GALNTL6: variants seen among roughly 807,000 people sequenced by gnomAD.
The protein encoded by GALNTL6 is polypeptide N-acetylgalactosaminyltransferase like 6, also known as polypeptide N-acetylgalactosaminyltransferase-like 6.
GALNTL6 carries 46 observed loss-of-function variants against 73.7 expected under a neutral mutation model. That is an observed-to-expected ratio of 0.62 (90% CI 0.49 to 0.80). The LOEUF is 0.80. Ranked by LOEUF, GALNTL6 falls within the 30% of genes least tolerant of loss-of-function variation. GALNTL6 has a pLI of 0.00. For missense variants in GALNTL6, 604 were observed against 755.0 expected, an observed-to-expected ratio of 0.80 and a Z score of 2.34; for synonymous variants, 259 against 263.7, an observed-to-expected ratio of 0.98 and a Z score of 0.17.
intron 9 of GALNTL6, among the ~76,000 whole-genome samples, chr4:172,934,917 G>A (rs1456022910): frequency 2.0e-5 from 3 of 152,210 alleles, no homozygotes; most frequent in African/African-American, 7.2e-5. Flanking sequence ...GCCAAGCACT[G>A]TGCTGAAGGA....
intron 8 of GALNTL6, among the ~76,000 whole-genome samples, chr4:172,896,748 T>C (rs941063280): frequency 1.3e-5 from 2 of 152,192 alleles, no homozygotes; most frequent in Non-Finnish European, 2.9e-5. Flanking sequence ...CTAGGCCCTC[T>C]TGCAATTTGG....
At chr4:172,138,146 G>A (rs1459694553) in intron 2 of GALNTL6, among the ~76,000 whole-genome samples, 4 of 151,720 alleles carry the variant, frequency 2.6e-5, no homozygotes, top group Non-Finnish European at 2.9e-5. Flanking sequence ...CCAAATGAAC[G>A]GAATTATGAT....
chr4:172,243,992 C>T (rs796393089), intron 3 of GALNTL6, among the ~76,000 whole-genome samples: 4 of 152,102 alleles, frequency 2.6e-5, no homozygotes, highest in African/African-American at 7.2e-5. Context: ...TTATCTGGCA[C>T]CCTTTTTATT....
At chr4:172,717,195 A>G (rs1254766661) in intron 5 of GALNTL6, among the ~76,000 whole-genome samples, 2 of 152,206 alleles carry the variant, frequency 1.3e-5, no homozygotes, top group Admixed American at 6.5e-5. Context: ...TAGCCAATAT[A>G]CTTTATACTT....
intron 8 of GALNTL6, among the ~76,000 whole-genome samples, chr4:172,893,704 A>C (rs557470382): frequency 6.6e-6 from 1 of 152,264 alleles, no homozygotes; most frequent in East Asian, 1.9e-4. Flanking sequence ...AGCTGTTGTC[A>C]CTCAGAACAA....
chr4:172,897,118 A>G (rs1341866716), intron 8 of GALNTL6, among the ~76,000 whole-genome samples: 1 of 152,222 alleles, frequency 6.6e-6, no homozygotes, highest in Admixed American at 6.5e-5. Context: ...TTCCCCAACT[A>G]CAGTGGGAGG....
At chr4:173,039,139 A>G (rs1753805251) in intron 12 of GALNTL6, among the ~76,000 whole-genome samples, 1 of 152,298 alleles carries the variant, frequency 6.6e-6, no homozygotes, top group South Asian at 2.1e-4. Context: ...CTCGTGGTAT[A>G]TTTTCATTCA....
chr4:172,319,974 C>T (rs1740696598), intron 4 of GALNTL6, among the ~76,000 whole-genome samples: 2 of 152,112 alleles, frequency 1.3e-5, no homozygotes, highest in South Asian at 4.1e-4. Context: ...CTACTTCAGA[C>T]AGATGCAACC....
intron 2 of GALNTL6, among the ~76,000 whole-genome samples, chr4:171,828,508 C>T (rs116797423): frequency 0.015 from 2,348 of 152,282 alleles, 64 homozygotes; most frequent in African/African-American, 0.053. Flanking sequence ...TCCACAGCTG[C>T]AGTTGCCTGC....
At chr4:172,658,243 G>A (rs1448606165) in intron 5 of GALNTL6, among the ~76,000 whole-genome samples, 1 of 149,808 alleles carries the variant, frequency 6.7e-6, no homozygotes, top group Middle Eastern at 3.2e-3. Context: ...GAGACGGGTG[G>A]ATCACGAAGT....
At chr4:172,835,849 T>A (rs1268659720) in intron 7 of GALNTL6, among the ~76,000 whole-genome samples, 1 of 152,174 alleles carries the variant, frequency 6.6e-6, no homozygotes, top group Non-Finnish European at 1.5e-5. Context: ...CTGAATACAT[T>A]ACTGCGGTTT....
intron 5 of GALNTL6, among the ~76,000 whole-genome samples, chr4:172,790,775 T>A (rs1430138998): frequency 1.3e-5 from 2 of 151,408 alleles, no homozygotes; most frequent in African/African-American, 4.9e-5. Context: ...GCACCTGTAA[T>A]CCCAGCTACT....
chr4:172,194,518 G>GA (rs936510887), intron 2 of GALNTL6, among the ~76,000 whole-genome samples: 5 of 151,772 alleles, frequency 3.3e-5, no homozygotes, highest in African/African-American at 4.8e-5. Flanking sequence ...TGAAATGAAG[G>GA]AAAAAAAATG....
intron 4 of GALNTL6, among the ~76,000 whole-genome samples, chr4:172,326,721 T>G (rs1248737229): frequency 6.6e-6 from 1 of 151,948 alleles, no homozygotes; most frequent in East Asian, 1.9e-4. Context: ...TAATATAGCT[T>G]CTCTATTTGT....
At chr4:172,005,864 G>C (rs1429004952) in intron 2 of GALNTL6, among the ~76,000 whole-genome samples, 1 of 152,110 alleles carries the variant, frequency 6.6e-6, no homozygotes, top group Non-Finnish European at 1.5e-5. Flanking sequence ...ATTAGTGGAA[G>C]CCTTAGCTTA....
At chr4:172,485,546 GATCTACCCTGTAAATT>G (rs1354473558) in intron 5 of GALNTL6, among the ~76,000 whole-genome samples, 1 of 152,070 alleles carries the variant, frequency 6.6e-6, no homozygotes, top group East Asian at 1.9e-4. Context: ...TCTATTCAGA[GATCTACCCTGTAAATT>G]ATTCCTCTAT....
intron 5 of GALNTL6, among the ~76,000 whole-genome samples, chr4:172,599,685 C>G (rs988991376): frequency 2.0e-5 from 3 of 152,056 alleles, no homozygotes; most frequent in African/African-American, 7.2e-5. Flanking sequence ...TTAACTCTGC[C>G]GGTCTCAGAA....
chr4:171,965,106 T>A lies in GALNTL6; in HGVS notation c.138+150388T>A, dbSNP rs144609788. Among the ~76,000 whole-genome samples the A allele has an allele frequency of 6.5e-3, 990 of 152,308 alleles. 6 individuals carry two copies. Among genetic ancestry groups the A allele is most frequent in the Middle Eastern group, 0.031 (9 of 294 alleles). Reference sequence around the variant, plus strand: ...GTTACCATTCTGCCTTAGAATGCAATCCTTTTGAGAAAGGGCTTCCGTTTT... The same window carrying A: ...GTTACCATTCTGCCTTAGAATGCAAACCTTTTGAGAAAGGGCTTCCGTTTT... On this transcript the variant is annotated intron_variant, in intron 2 of 12. Coordinates refer to ENST00000506823, the MANE Select transcript of GALNTL6 (RefSeq NM_001034845.3).
chr4:172,393,946 A>G (rs1227285778), intron 5 of GALNTL6, among the ~76,000 whole-genome samples: 1 of 152,186 alleles, frequency 6.6e-6, no homozygotes, highest in Non-Finnish European at 1.5e-5. Context: ...AATGGAATAT[A>G]TATTATTCCC....
Sources: gnomAD v4.1 joint callset for allele counts (sites outside exome capture counted in the v4.1 genomes callset) on GRCh38, gnomAD v4.1.1 for gene constraint, MANE v1.5 for transcripts, NCBI Gene and HGNC (gene_info 2026-07-23, HGNC 2026-07-21) for gene names.